ROBO1: variants seen among roughly 807,000 people sequenced by gnomAD.
ROBO1 encodes the protein roundabout homolog 1.
A neutral mutation model predicts 195.9 loss-of-function variants in ROBO1; 149 were observed. The ratio of observed to expected loss-of-function variants is 0.76; its 90% CI spans 0.67 to 0.87. The LOEUF is 0.87. ROBO1 is among the 40% of genes least tolerant of loss of function. The pLI is 0.00. For synonymous variants in ROBO1, 816 were observed against 733.2 expected (o/e 1.11, Z -1.82); for missense variants, 1,933 against 2,068.3 (o/e 0.93, Z 1.27).
Position 79,019,479 on chromosome 3 carries a change from A to T in ROBO1, c.173-80552T>A, listed in dbSNP as rs1487057123. ...TCAATTGCTTGTGGGTTTCCCCCAC[A>T]GTCCCCGCGGCTCCCAGTTCCCTCC... On this transcript the variant is annotated intron_variant, in intron 3 of 30. Coordinates refer to ENST00000464233, the MANE Select transcript of ROBO1 (RefSeq NM_002941.4). 4.1e-6 allele frequency: 4 copies of T among 986,258 alleles called. No homozygotes were observed. In the African/African-American group the frequency reaches 5.2e-5, roughly 13 times the overall value. The allele number at this position is 986,258 out of a possible 1,614,324, so 61.1% of individuals were successfully genotyped here. A position where few individuals can be genotyped will look rare whatever the true frequency, so the allele number is the denominator to read the frequency against.
At chr3:79,590,616 T>A (rs1247632177) in intron 1 of ROBO1, among the ~76,000 whole-genome samples, 1 of 151,696 alleles carries the variant, frequency 6.6e-6, no homozygotes, top group East Asian at 1.9e-4. Flanking sequence ...AGGTGACTGG[T>A]TAATTAATTT....
At chr3:79,666,190 A>G (rs929217642) in intron 1 of ROBO1, among the ~76,000 whole-genome samples, 20 of 151,932 alleles carry the variant, frequency 1.3e-4, no homozygotes, top group Non-Finnish European at 2.5e-4. Flanking sequence ...GCTAGCACAA[A>G]CATTAATTTA....
At chr3:79,433,621 A>C (rs1353316190) in intron 2 of ROBO1, among the ~76,000 whole-genome samples, 1 of 152,104 alleles carries the variant, frequency 6.6e-6, no homozygotes, top group Non-Finnish European at 1.5e-5. Context: ...AATTGGCCAT[A>C]CTGCCCAAGG....
intron 2 of ROBO1, among the ~76,000 whole-genome samples, chr3:79,451,335 G>T (rs2039436455): frequency 6.6e-6 from 1 of 151,994 alleles, no homozygotes; most frequent in Non-Finnish European, 1.5e-5. Flanking sequence ...GATGCTTAAG[G>T]TCTCTAGTAA....
intron 4 of ROBO1, among the ~76,000 whole-genome samples, chr3:78,756,067 T>C (rs188589760): frequency 6.6e-6 from 1 of 152,242 alleles, no homozygotes; most frequent in East Asian, 1.9e-4. Context: ...TCTGATACAT[T>C]CTAAGTTTAT....
intron 2 of ROBO1, among the ~76,000 whole-genome samples, chr3:79,369,646 C>A (rs560292734): frequency 6.6e-6 from 1 of 151,984 alleles, no homozygotes; most frequent in African/African-American, 2.4e-5. Flanking sequence ...TTTCATGATC[C>A]CTTTACTTGC....
At chr3:78,614,905 T>G in intron 27 of ROBO1, 105 bp from the exon 28 acceptor site, 1 of 1,198,676 alleles carries the variant, frequency 8.3e-7, no homozygotes, top group Non-Finnish European at 1.1e-6. Context: ...GCTTTAATTT[T>G]TCTGAAAAGC....
chr3:79,621,201 A>G (rs1205883493), intron 1 of ROBO1, among the ~76,000 whole-genome samples: 1 of 152,064 alleles, frequency 6.6e-6, no homozygotes, highest in South Asian at 2.1e-4. Context: ...TCATTACTTC[A>G]GTCAAGCCCT....
At chr3:79,211,106 GT>G (rs1281931579) in intron 2 of ROBO1, among the ~76,000 whole-genome samples, 1 of 152,014 alleles carries the variant, frequency 6.6e-6, no homozygotes, top group African/African-American at 2.4e-5. Flanking sequence ...GCTACGGGAG[GT>G]TGCAATTAAT....
intron 2 of ROBO1, among the ~76,000 whole-genome samples, chr3:79,353,079 T>A (rs1376569337): frequency 1.3e-5 from 2 of 152,192 alleles, no homozygotes; most frequent in African/African-American, 4.8e-5. Context: ...GACAAACTAT[T>A]TTCTTAACTG....
At chr3:79,496,431 C>T (rs1017687435) in intron 2 of ROBO1, among the ~76,000 whole-genome samples, 1 of 97,058 alleles carries the variant, frequency 1.0e-5, no homozygotes, top group Non-Finnish European at 2.1e-5. Context: ...GGCCGGACTG[C>T]GGACTGCAGT....
intron 7 of ROBO1, among the ~76,000 whole-genome samples, chr3:78,715,476 C>A (rs765089332): frequency 1.3e-5 from 2 of 152,128 alleles, no homozygotes; most frequent in Non-Finnish European, 2.9e-5. Flanking sequence ...GTGTCCCTGC[C>A]ACTAGCCTCT....
At chr3:78,778,924 C>T (rs2083585172) in intron 4 of ROBO1, among the ~76,000 whole-genome samples, 1 of 151,960 alleles carries the variant, frequency 6.6e-6, no homozygotes, top group African/African-American at 2.4e-5. Flanking sequence ...ACCTAGACCA[C>T]AGAACAGAGG....
At chr3:79,492,029 G>C (rs1208759130) in intron 2 of ROBO1, among the ~76,000 whole-genome samples, 1 of 152,076 alleles carries the variant, frequency 6.6e-6, no homozygotes, top group Non-Finnish European at 1.5e-5. Context: ...ACTTACATTT[G>C]AGGTTTTCAC....
intron 1 of ROBO1, among the ~76,000 whole-genome samples, chr3:79,611,063 T>C (rs1376956660): frequency 6.6e-6 from 1 of 152,026 alleles, no homozygotes; most frequent in Non-Finnish European, 1.5e-5. Context: ...TCATACTCCC[T>C]ACATGGTACA....
At chr3:79,534,049 G>A (rs1941758626) in intron 2 of ROBO1, among the ~76,000 whole-genome samples, 1 of 149,066 alleles carries the variant, frequency 6.7e-6, no homozygotes, top group African/African-American at 2.5e-5. Flanking sequence ...AGATGAGTGA[G>A]CAGCAGAGTG....
chr3:79,086,433 A>G (rs1157600131), intron 3 of ROBO1, among the ~76,000 whole-genome samples: 1 of 152,192 alleles, frequency 6.6e-6, no homozygotes, highest in Non-Finnish European at 1.5e-5. Flanking sequence ...GATGATTACT[A>G]GAGTATATAT....
intron 14 of ROBO1, among the ~76,000 whole-genome samples, chr3:78,665,447 C>T (rs1428121233): frequency 6.6e-6 from 1 of 152,148 alleles, no homozygotes; most frequent in Non-Finnish European, 1.5e-5. Context: ...AAGTACCAGA[C>T]TTTTTAATTT....
In ROBO1 at chr3:78,614,765, G is replaced by C; in HGVS notation, c.4318C>G (p.Pro1440Ala). 1 of 1,612,888 alleles carries C rather than the reference G, an allele frequency of 6.2e-7. No individual in the cohort carries two copies. The highest frequency in any genetic ancestry group is 8.5e-7 in the Non-Finnish European group (1 of 1,179,656). The change falls in exon 28 of 31, where the codon CCC becomes GCC. Residue 1440 changes from proline to alanine, a missense_variant. Transcript: ENST00000464233. The part of the protein sequence containing the change: ...RHFHASQCPR[P>A]TSPVSTDSNM... ...CTGTCTGTAGACACGGGACTTGTGGGCCTAGGGCACTGAGACGCATGAAAA... is the reference window on the plus strand; with the variant it reads ...CTGTCTGTAGACACGGGACTTGTGGCCCTAGGGCACTGAGACGCATGAAAA...
Sources: gnomAD v4.1 joint callset for allele counts (sites outside exome capture counted in the v4.1 genomes callset) on GRCh38, gnomAD v4.1.1 for gene constraint, MANE v1.5 for transcripts, NCBI Gene and HGNC (gene_info 2026-07-23, HGNC 2026-07-21) for gene names.